The following PITPNC1 variants were observed in gnomAD, a reference collection of about 807,000 sequenced individuals.
The protein encoded by PITPNC1 is phosphatidylinositol transfer protein cytoplasmic 1.
Under a neutral mutation model 44.7 loss-of-function variants are expected in PITPNC1, and 18 were observed. The ratio of observed to expected loss-of-function variants is 0.40; its 90% CI spans 0.28 to 0.60. The LOEUF (loss-of-function observed/expected upper bound fraction) is 0.60, where lower values mean the gene tolerates loss of function less well. PITPNC1 is among the 20% of genes least tolerant of loss of function. The pLI is 0.39. For missense variants in PITPNC1, 290 were observed against 418.4 expected (o/e 0.69, Z 2.68); for synonymous variants, 141 against 149.6 (o/e 0.94, Z 0.42).
intron 1 of PITPNC1, among the ~76,000 whole-genome samples, chr17:67,491,400 C>T (rs1416938910): frequency 6.6e-6 from 1 of 152,254 alleles, no homozygotes; most frequent in Admixed American, 6.5e-5. Flanking sequence ...GGCACTGCTG[C>T]TTCCCTGCTG....
chr17:67,433,035 TG>T (rs893997748), intron 1 of PITPNC1, among the ~76,000 whole-genome samples: 60 of 151,422 alleles, frequency 4.0e-4, no homozygotes, highest in African/African-American at 1.4e-3. Flanking sequence ...GGACAGCGAG[TG>T]GGGGTGGGGA....
intron 1 of PITPNC1, among the ~76,000 whole-genome samples, chr17:67,413,423 T>TTCTTTCTTTCTTTCTTTCTC (rs2038537236): frequency 6.6e-6 from 1 of 151,808 alleles, no homozygotes; most frequent in Non-Finnish European, 1.5e-5. Flanking sequence ...CTTTCTTTCT[T>TTCTTTCTTTCTTTCTTTCTC]TCTTTCTTTT....
At chr17:67,578,324 G>GC (rs1242343433) in intron 5 of PITPNC1, 67 bp downstream of exon 5, 2 of 1,064,334 alleles carry the variant, frequency 1.9e-6, no homozygotes, top group African/African-American at 3.1e-5. Flanking sequence ...ACTTCTCACA[G>GC]CCCCTCTGTG....
rs2043004470 is a variant in PITPNC1 at position 67,696,002 on chromosome 17, AT to A, written c.*3119del. The stretch of plus-strand genomic sequence containing the variant: ...GGAACACAATGAAGGAGGCCGTGAC[AT>A]TTTTAGTTGCCACCGTTGTAACTCA... On this transcript the variant is annotated 3_prime_UTR_variant, in exon 9 of 9. Transcript: ENST00000581322. 6.6e-6 allele frequency: 1 copy of A among 152,174 alleles called. No homozygotes were observed. 9.4% of individuals were successfully genotyped at this position (152,174 alleles called of 1,614,324 possible). A position where few individuals can be genotyped will look rare whatever the true frequency, so the allele number is the denominator to read the frequency against.
At chr17:67,464,574 A>C (rs1380682552) in intron 1 of PITPNC1, among the ~76,000 whole-genome samples, 2 of 152,222 alleles carry the variant, frequency 1.3e-5, no homozygotes, top group African/African-American at 2.4e-5. Context: ...CACCCCGTAA[A>C]AATCTTTCAA....
At chr17:67,642,534 G>GTTT (rs747957623) in intron 6 of PITPNC1, among the ~76,000 whole-genome samples, 1 of 152,126 alleles carries the variant, frequency 6.6e-6, no homozygotes, top group Non-Finnish European at 1.5e-5. Context: ...AAATAAAAAG[G>GTTT]TGTTAAACAG....
intron 1 of PITPNC1, among the ~76,000 whole-genome samples, chr17:67,402,166 T>C (rs1234803080): frequency 1.3e-5 from 2 of 152,242 alleles, no homozygotes; most frequent in African/African-American, 4.8e-5. Flanking sequence ...TGAATAGGCG[T>C]GGCTGTGTTC....
chr17:67,638,458 A>T (rs1382028415), intron 6 of PITPNC1: 1 of 152,260 alleles, frequency 6.6e-6, no homozygotes, highest in Non-Finnish European at 1.5e-5. Context: ...AATGGCATCT[A>T]TACTGGCCTC....
rs886333854 is a variant in PITPNC1 at position 67,459,113 on chromosome 17, C to CTT, written c.49-73669_49-73668dup. ...CTTTGGGGCTTTTTTTTTTCTTTTT[C>CTT]TTTTTTTTTTTTTTTTTTTTTGAGA... On this transcript the variant is annotated intron_variant, in intron 1 of 8. Coordinates refer to ENST00000581322, the MANE Select transcript of PITPNC1 (RefSeq NM_012417.4). Among the ~76,000 whole-genome samples the CTT allele has an allele frequency of 3.2e-3, 310 of 95,666 alleles. 1 individual carries two copies. Among genetic ancestry groups the CTT allele is most frequent in the Non-Finnish European group, 4.0e-3 (188 of 47,240 alleles). 62.8% of individuals were successfully genotyped at this position (95,666 alleles called of 152,430 possible). A position where few individuals can be genotyped will look rare whatever the true frequency, so the allele number is the denominator to read the frequency against.
rs536140579 is a variant in PITPNC1, at chr17:67,497,654, A to T, written c.49-35148A>T. 5.4e-5 allele frequency among the ~76,000 whole-genome samples: 8 copies of T among 148,634 alleles called. No individual in the cohort carries two copies. The South Asian group carries it at 1.7e-3, about 31-fold the overall frequency. ...GCGAACCTCCCATCTCATCCTCCTGAATAGGTGGGACCACACGTGTGAGCC... is the reference window on the plus strand; with the variant it reads ...GCGAACCTCCCATCTCATCCTCCTGTATAGGTGGGACCACACGTGTGAGCC... On this transcript the variant is annotated intron_variant, in intron 1 of 8. Coordinates refer to ENST00000581322, the MANE Select transcript of PITPNC1 (RefSeq NM_012417.4).
intron 1 of PITPNC1, among the ~76,000 whole-genome samples, chr17:67,509,599 T>TAAA (rs386386473): frequency 2.7e-5 from 4 of 149,112 alleles, no homozygotes; most frequent in Non-Finnish European, 1.5e-5. Flanking sequence ...AATAAATAAA[T>TAAA]AAAACGTGTT....
chr17:67,425,204 CACACA>C (rs1567984757), intron 1 of PITPNC1, among the ~76,000 whole-genome samples: 1 of 10,720 alleles, frequency 9.3e-5, no homozygotes, highest in African/African-American at 5.3e-4. Flanking sequence ...CACGCACACG[CACACA>C]CACACACACA....
intron 1 of PITPNC1, among the ~76,000 whole-genome samples, chr17:67,470,274 G>A (rs1258111636): frequency 6.6e-6 from 1 of 152,124 alleles, no homozygotes; most frequent in Non-Finnish European, 1.5e-5. Flanking sequence ...TGTACAGCTT[G>A]ATGAGTTTTA....
chr17:67,606,515 C>T (rs776201457), intron 5 of PITPNC1, among the ~76,000 whole-genome samples: 2 of 152,346 alleles, frequency 1.3e-5, no homozygotes, highest in Middle Eastern at 3.4e-3. Flanking sequence ...TTTGCAGATG[C>T]AGGCCTGAGA....
intron 8 of PITPNC1, among the ~76,000 whole-genome samples, chr17:67,682,932 CG>C (rs1302316745): frequency 6.6e-6 from 1 of 151,894 alleles, no homozygotes; most frequent in Non-Finnish European, 1.5e-5. Context: ...GAGGCCGAGG[CG>C]GGTGAATCAC....
chr17:67,422,102 A>G (rs2038679451), intron 1 of PITPNC1, among the ~76,000 whole-genome samples: 1 of 152,190 alleles, frequency 6.6e-6, no homozygotes, highest in African/African-American at 2.4e-5. Context: ...GACTGTACCC[A>G]AGAAGGCTTA....
At chr17:67,539,576 C>T (rs1241201284) in intron 2 of PITPNC1, among the ~76,000 whole-genome samples, 2 of 152,200 alleles carry the variant, frequency 1.3e-5, no homozygotes, top group Admixed American at 6.5e-5. Context: ...CGATGGCTCA[C>T]GCCTGTAATC....
At chr17:67,454,545 G>A (rs767525535) in intron 1 of PITPNC1, among the ~76,000 whole-genome samples, 4 of 151,962 alleles carry the variant, frequency 2.6e-5, no homozygotes, top group Non-Finnish European at 5.9e-5. Flanking sequence ...GTATGAAAAC[G>A]GGTGGCAGGG....
At chr17:67,425,197 GCACACGCACACACA>G (rs1376778790) in intron 1 of PITPNC1, among the ~76,000 whole-genome samples, 1,299 of 98,454 alleles carry the variant, frequency 0.013, 85 homozygotes, top group African/African-American at 0.026. Context: ...GCGCGCGCAC[GCACACGCACACACA>G]CACACACACA....
Sources: gnomAD v4.1 joint callset for allele counts (sites outside exome capture counted in the v4.1 genomes callset) on GRCh38, gnomAD v4.1.1 for gene constraint, MANE v1.5 for transcripts, NCBI Gene and HGNC (gene_info 2026-07-23, HGNC 2026-07-21) for gene names.